MTRF1: variants seen among roughly 807,000 people sequenced by gnomAD.
The protein encoded by MTRF1 is peptide chain release factor 1, mitochondrial.
Under a neutral mutation model 62.9 loss-of-function variants are expected in MTRF1, and 51 were observed. That is an observed-to-expected ratio of 0.81 (90% CI 0.65 to 1.02). The LOEUF (loss-of-function observed/expected upper bound fraction) is 1.02. Among genes scored for constraint, MTRF1 ranks in the 50% least tolerant of loss-of-function variants. The probability of loss-of-function intolerance (pLI) is 0.00; values close to 1 mark genes in which losing one functional copy is unlikely to be tolerated. For synonymous variants in MTRF1, 158 were observed against 181.9 expected, an observed-to-expected ratio of 0.87 and a Z score of 1.06; for missense variants, 446 against 530.0, an observed-to-expected ratio of 0.84 and a Z score of 1.56.
At chr13:41,310,706 ATGTT>A in the MTRF1 span, among the ~76,000 whole-genome samples, 10 of 152,310 alleles carry the variant, frequency 6.6e-5, 1 homozygote, top group South Asian at 1.2e-3. Context: ...AAGATTGTAA[ATGTT>A]TGTTTGGTTT....
At chr13:41,220,736 CTTCTCACTGAAGATGCT>C in intron 9 of MTRF1, 1 of 519,300 alleles carries the variant, frequency 1.9e-6, no homozygotes, top group Non-Finnish European at 3.4e-6. Flanking sequence ...ATTTCATTCT[CTTCTCACTGAAGATGCT>C]TTCTCTTGGT....
At chr13:41,237,396 GAAAT>G (rs1457360707) in intron 6 of MTRF1, among the ~76,000 whole-genome samples, 4 of 151,686 alleles carry the variant, frequency 2.6e-5, no homozygotes, top group South Asian at 4.2e-4. Flanking sequence ...ATCCTAAAAT[GAAAT>G]AAAAACAGAA....
chr13:41,262,593 A>C (rs1230034456), intron 1 of MTRF1: 1 of 152,216 alleles, frequency 6.6e-6, no homozygotes, highest in Non-Finnish European at 1.5e-5. Context: ...AGCTAACAAA[A>C]GTACACAATG....
At chr13:41,283,646 G>A in the MTRF1 span, among the ~76,000 whole-genome samples, 3 of 125,302 alleles carry the variant, frequency 2.4e-5, no homozygotes, top group East Asian at 8.0e-4. Context: ...CTGGAGTGCA[G>A]TGGCGCGATC....
chr13:41,265,051 G>C (rs1171127733), upstream of MTRF1, among the ~76,000 whole-genome samples: 1 of 152,146 alleles, frequency 6.6e-6, no homozygotes, highest in Non-Finnish European at 1.5e-5. Context: ...TATCCAAAAA[G>C]TTCTTTAATT....
chr13:41,242,348 G>A (rs2037626874), intron 5 of MTRF1, among the ~76,000 whole-genome samples: 1 of 152,138 alleles, frequency 6.6e-6, no homozygotes, highest in African/African-American at 2.4e-5. Flanking sequence ...TATGGGACAT[G>A]CCCCATTTGT....
chr13:41,250,058 A>C (rs1253910869), intron 5 of MTRF1, among the ~76,000 whole-genome samples: 1 of 151,998 alleles, frequency 6.6e-6, no homozygotes, highest in Non-Finnish European at 1.5e-5. Flanking sequence ...ATCATTGTTT[A>C]GGCTGCTATA....
chr13:41,222,511 T>TA (rs968818149), intron 9 of MTRF1, among the ~76,000 whole-genome samples: 1 of 152,176 alleles, frequency 6.6e-6, no homozygotes, highest in African/African-American at 2.4e-5. Context: ...CCTAGGTGAC[T>TA]AAGCAGCTGA....
At chr13:41,300,544 C>T in the MTRF1 span, among the ~76,000 whole-genome samples, 1 of 151,204 alleles carries the variant, frequency 6.6e-6, no homozygotes, top group African/African-American at 2.4e-5. Flanking sequence ...TGAGATCCGG[C>T]CACTGCACTC....
chr13:41,275,887 A>T, the MTRF1 span, among the ~76,000 whole-genome samples: 1 of 152,304 alleles, frequency 6.6e-6, no homozygotes. Flanking sequence ...AGCAAGCGTT[A>T]ATTGCACTTT....
intron 9 of MTRF1, among the ~76,000 whole-genome samples, chr13:41,218,743 T>A (rs2032495534): frequency 6.6e-6 from 1 of 152,194 alleles, no homozygotes; most frequent in African/African-American, 2.4e-5. Context: ...AAACATTTAG[T>A]TTTGATATAG....
intron 2 of MTRF1, chr13:41,257,857 T>C: frequency 2.6e-6 from 1 of 387,842 alleles, no homozygotes; most frequent in Non-Finnish European, 5.4e-6. Context: ...TAAGGTTACC[T>C]GAGCATTCAA....
chr13:41,217,290 G>A, intron 9 of MTRF1, 62 bp from the exon 10 acceptor site: 1 of 946,388 alleles, frequency 1.1e-6, no homozygotes, highest in South Asian at 1.6e-5. Flanking sequence ...AGACTTTAGT[G>A]TTTATTTATT....
At chr13:41,309,396 C>T in the MTRF1 span, among the ~76,000 whole-genome samples, 1 of 142,318 alleles carries the variant, frequency 7.0e-6, no homozygotes, top group Non-Finnish European at 1.6e-5. Context: ...GCCATGTTGC[C>T]CCGGCTGGTC....
the MTRF1 span, among the ~76,000 whole-genome samples, chr13:41,276,662 G>T: frequency 6.6e-6 from 1 of 152,036 alleles, no homozygotes; most frequent in African/African-American, 2.4e-5. Flanking sequence ...AGCTAGCTTT[G>T]GAAGACATTT....
In MTRF1 at chr13:41,260,858, C is replaced by A. The variant is rs771292566; in HGVS notation, c.50G>T (p.Gly17Val). 5 of 1,612,164 alleles carry A rather than the reference C, an allele frequency of 3.1e-6. No individual in the cohort carries two copies. The highest frequency in any genetic ancestry group is 2.2e-5 in the East Asian group (1 of 44,804). ...GAGCTGGATGTGACACTGGAGGTAA[C>A]CATTAAGAGATGGATGTCTAAAAAG... is the stretch of plus-strand genomic sequence containing the variant. Reference protein sequence around the residue: ...VWLFRHPSLNGYLQCHIQLHS... With the variant: ...VWLFRHPSLNVYLQCHIQLHS... The change falls in exon 2 of 10, where the codon GGT becomes GTT. Residue 17 changes from glycine to valine, a missense_variant. Transcript: ENST00000379480.
At chr13:41,273,199 G>A in the MTRF1 span, among the ~76,000 whole-genome samples, 317 of 151,948 alleles carry the variant, frequency 2.1e-3, no homozygotes, top group Non-Finnish European at 3.3e-3. Context: ...GGTGGTGGGC[G>A]CCTGTAGTCC....
the MTRF1 span, among the ~76,000 whole-genome samples, chr13:41,272,418 G>T: frequency 6.6e-6 from 1 of 152,100 alleles, no homozygotes; most frequent in Non-Finnish European, 1.5e-5. Flanking sequence ...TTTGGTTTTT[G>T]TTTTTCCTCT....
intron 8 of MTRF1, among the ~76,000 whole-genome samples, chr13:41,225,794 C>G (rs1056206372): frequency 3.2e-5 from 4 of 125,798 alleles, no homozygotes; most frequent in Admixed American, 9.5e-5. Context: ...GGTGACAGAG[C>G]GAGACTCTGT....
Sources: gnomAD v4.1 joint callset for allele counts (sites outside exome capture counted in the v4.1 genomes callset) on GRCh38, gnomAD v4.1.1 for gene constraint, MANE v1.5 for transcripts, NCBI Gene and HGNC (gene_info 2026-07-23, HGNC 2026-07-21) for gene names.